The following AKR1C2 variants were observed in gnomAD, a reference collection of about 807,000 sequenced individuals.
AKR1C2 encodes 3-alpha-HSD3.
A neutral mutation model predicts 39.8 loss-of-function variants in AKR1C2; 27 were observed. That is an observed-to-expected ratio of 0.68 (90% CI 0.50 to 0.93). The LOEUF is 0.93. Among genes scored for constraint, AKR1C2 ranks in the 40% least tolerant of loss-of-function variants. The pLI is 0.00. For missense variants in AKR1C2, 263 were observed against 365.1 expected (o/e 0.72, Z 2.28); for synonymous variants, 114 against 137.9 (o/e 0.83, Z 1.22).
chr10:4,991,185 A>T (rs1247059035), intron 8 of AKR1C2, among the ~76,000 whole-genome samples: 1 of 151,286 alleles, frequency 6.6e-6, no homozygotes, highest in Non-Finnish European at 1.5e-5. Flanking sequence ...ACACTTCCTC[A>T]TTCTCTACAC....
intron 8 of AKR1C2, among the ~76,000 whole-genome samples, chr10:4,991,217 C>G (rs1433253990): frequency 6.6e-6 from 1 of 151,498 alleles, no homozygotes; most frequent in Non-Finnish European, 1.5e-5. Flanking sequence ...TATTGCAGAA[C>G]ACCAAGGCCA....
rs1227335682 is a variant in AKR1C2 at position 5,003,802 on chromosome 10, C to G, written c.34G>C (p.Asp12His). Residue 12 changes from aspartate (D) to histidine (H), a missense_variant, in exon 1 of 9, where the codon GAT becomes CAT. Physicochemically the swap from Asp to His is moderately conservative, Grantham distance 81. This residue lies in a region of AKR1C2 where 247 missense variants were observed against 267.9 expected (regional missense o/e 0.92). Transcript: ENST00000380753. ...CCCAGGACAGGCATGAAGTGACCAT[C>G]ATTCAGCTTCACACACTGGTATTTC... ...DSKYQCVKLN[D>H]GHFMPVLGFG... 1.9e-6 allele frequency: 3 copies of G among 1,613,994 alleles called. No individual in the cohort carries two copies. In the African/African-American group the frequency reaches 4.0e-5, roughly 22 times the overall value.
Position 5,000,641 on chromosome 10 carries a change from T to C in AKR1C2, c.278A>G (p.Glu93Gly). The C allele has an allele frequency of 6.2e-7, 1 of 1,613,928 alleles. No homozygotes were observed. The highest frequency in any genetic ancestry group is 8.5e-7 in the Non-Finnish European group (1 of 1,179,870). ...SKLWSNSHRP[E>G]LVRPALERSL... ...CCTTTCCAAGGCTGGTCGGACCAAC[T>C]CTGGTCGATGGGAATTGCTCCAAAG... Residue 93 changes from glutamate (E) to glycine (G), a missense_variant, in exon 3 of 9, where the codon GAG (glutamate) becomes GGG (glycine). Physicochemically the swap from Glu to Gly is moderately conservative, Grantham distance 98. Transcript: ENST00000380753.
intron 5 of AKR1C2, among the ~76,000 whole-genome samples, chr10:4,996,850 A>G (rs1415112201): frequency 1.3e-5 from 2 of 152,088 alleles, no homozygotes; most frequent in Non-Finnish European, 2.9e-5. Context: ...TTAAAATTGT[A>G]AATGATTATG....
chr10:4,998,809 A>C, intron 4 of AKR1C2, 62 bp from the exon 5 acceptor site: 1 of 1,603,666 alleles, frequency 6.2e-7, no homozygotes, highest in Non-Finnish European at 8.5e-7. Context: ...GATAAATGTA[A>C]CATAGAACTG....
intron 1 of AKR1C2, among the ~76,000 whole-genome samples, chr10:5,016,498 G>T (rs782442170): frequency 1.2e-4 from 19 of 152,176 alleles, no homozygotes; most frequent in African/African-American, 4.3e-4. Context: ...CTCATATCAA[G>T]GCCACACTAA....
chr10:4,998,459 A>G (rs1201349214), intron 5 of AKR1C2, among the ~76,000 whole-genome samples, 166 bp downstream of exon 5: 1 of 152,210 alleles, frequency 6.6e-6, no homozygotes, highest in Non-Finnish European at 1.5e-5. Flanking sequence ...AGACTTTTCT[A>G]AGCAGGGTAC....
upstream of AKR1C2, among the ~76,000 whole-genome samples, chr10:5,005,239 C>G (rs1837375991): frequency 6.6e-6 from 1 of 150,714 alleles, no homozygotes; most frequent in Non-Finnish European, 1.5e-5. Context: ...TGTTCAGAAA[C>G]AAACTAAGAA....
At chr10:5,014,287 G>T (rs2131731105) in intron 1 of AKR1C2, among the ~76,000 whole-genome samples, 1 of 152,128 alleles carries the variant, frequency 6.6e-6, no homozygotes, top group Admixed American at 6.5e-5. Context: ...TTTTTCCAAA[G>T]CAAAACCTCT....
chr10:4,995,912 A>G (rs1837019932), intron 5 of AKR1C2, 47 bp from the exon 6 acceptor site: 1 of 1,569,018 alleles, frequency 6.4e-7, no homozygotes, highest in East Asian at 2.3e-5. Flanking sequence ...CAAAAGTTAC[A>G]TTAATATTAA....
chr10:5,000,683 A>G lies in AKR1C2; in HGVS notation c.253-17T>C, dbSNP rs782143055. On this transcript the variant is annotated splice_polypyrimidine_tract_variant and intron_variant, in intron 2 of 8. Transcript: ENST00000380753. Reference sequence around the variant, plus strand: ...GCTCCAAAGCTGCAGAGGTTAGAGAAACGAAGTTGTGTAATGAAAACTTGA... The same window carrying G: ...GCTCCAAAGCTGCAGAGGTTAGAGAGACGAAGTTGTGTAATGAAAACTTGA... 6.2e-7 allele frequency: 1 copy of G among 1,602,974 alleles called. No homozygotes were observed. The highest frequency in any genetic ancestry group is 8.5e-7 in the Non-Finnish European group (1 of 1,175,780).
At chr10:5,011,014 A>C (rs782142938) in intron 1 of AKR1C2, among the ~76,000 whole-genome samples, 10 of 146,574 alleles carry the variant, frequency 6.8e-5, no homozygotes, top group Non-Finnish European at 1.5e-4. Context: ...ATATGACTTA[A>C]TTAGACCAAT....
At chr10:5,003,016 A>C (rs1260063797) in intron 1 of AKR1C2, among the ~76,000 whole-genome samples, 3 of 152,236 alleles carry the variant, frequency 2.0e-5, no homozygotes, top group Non-Finnish European at 4.4e-5. Context: ...TTCCCAAGAC[A>C]GTCTTGAGAT....
intron 7 of AKR1C2, among the ~76,000 whole-genome samples, chr10:4,993,202 G>A (rs3885233): frequency 0.24 from 35,964 of 152,006 alleles, 4,554 homozygotes; most frequent in African/African-American, 0.32. Flanking sequence ...GTCAAGAATA[G>A]CTAAGATATT....
chr10:5,009,133 G>C (rs1381791459), intron 1 of AKR1C2, among the ~76,000 whole-genome samples: 1 of 152,184 alleles, frequency 6.6e-6, no homozygotes, highest in East Asian at 1.9e-4. Flanking sequence ...TTGGGGAAAA[G>C]ACAGAGATGC....
chr10:4,989,811 CA>C lies in AKR1C2; in HGVS notation c.*184del. ...TTTAGGAGAGAGCATTTAATTTTTT[CA>C]AAATGAAAAACAAAATTATTGTCTT... On this transcript the variant is annotated 3_prime_UTR_variant, in exon 9 of 9. Transcript: ENST00000380753. 1 of 880,518 alleles carries C rather than the reference CA, an allele frequency of 1.1e-6. No homozygotes were observed. The highest frequency in any genetic ancestry group is 1.7e-6 in the Non-Finnish European group (1 of 580,972). The allele number at this position is 880,518 out of a possible 1,614,324, so 54.5% of individuals were successfully genotyped here. A position where few individuals can be genotyped will look rare whatever the true frequency, so the allele number is the denominator to read the frequency against.
At chr10:5,009,362 A>C (rs1392855588) in intron 1 of AKR1C2, among the ~76,000 whole-genome samples, 7 of 152,032 alleles carry the variant, frequency 4.6e-5, no homozygotes, top group African/African-American at 1.7e-4. Flanking sequence ...ACTATTGCTC[A>C]ATACTATTGT....
intron 1 of AKR1C2, among the ~76,000 whole-genome samples, chr10:5,014,026 G>A (rs1200674430): frequency 5.9e-5 from 9 of 152,126 alleles, no homozygotes; most frequent in African/African-American, 1.9e-4. Flanking sequence ...ATTATTGCAC[G>A]TATCTGAATT....
intron 1 of AKR1C2, among the ~76,000 whole-genome samples, chr10:5,002,594 T>C (rs1467055359): frequency 2.6e-5 from 4 of 152,202 alleles, no homozygotes; most frequent in African/African-American, 9.6e-5. Flanking sequence ...AGGAAACATA[T>C]GATTGCAGTA....
Sources: gnomAD v4.1 joint callset for allele counts (sites outside exome capture counted in the v4.1 genomes callset) on GRCh38, gnomAD v4.1.1 for gene constraint, gnomAD v4.1.1 regional missense constraint, MANE v1.5 for transcripts, NCBI Gene and HGNC (gene_info 2026-07-23, HGNC 2026-07-21) for gene names.